Variants in CSMD1 observed in about 807,000 individuals in gnomAD.
The protein encoded by CSMD1 is CUB and Sushi multiple domains 1.
A neutral mutation model predicts 417.5 loss-of-function variants in CSMD1; 213 were observed. The ratio of observed to expected loss-of-function variants is 0.51; its 90% CI spans 0.46 to 0.57. CSMD1 has a LOEUF of 0.57. Among genes scored for constraint, CSMD1 ranks in the 20% least tolerant of loss-of-function variants. The probability of loss-of-function intolerance (pLI) is 0.00; values close to 1 mark genes in which losing one functional copy is unlikely to be tolerated. For missense variants in CSMD1, 6,923 were observed against 4,529.7 expected (o/e 1.53, Z -15.17); for synonymous variants, 2,862 against 1,736.8 (o/e 1.65, Z -16.11).
chr8:4,817,643 A>G (rs1289386792), intron 1 of CSMD1, among the ~76,000 whole-genome samples: 5 of 152,264 alleles, frequency 3.3e-5, no homozygotes, highest in African/African-American at 1.2e-4. Context: ...AATAACATGC[A>G]TAAAATCAAT....
intron 1 of CSMD1, among the ~76,000 whole-genome samples, chr8:4,934,497 T>C (rs2117205966): frequency 6.6e-6 from 1 of 152,270 alleles, no homozygotes; most frequent in South Asian, 2.1e-4. Flanking sequence ...ACGAAGAGCT[T>C]ATCAGAGAGA....
chr8:4,846,240 C>G (rs972161393), intron 1 of CSMD1, among the ~76,000 whole-genome samples: 1 of 152,144 alleles, frequency 6.6e-6, no homozygotes, highest in Non-Finnish European at 1.5e-5. Flanking sequence ...AAAAATATAG[C>G]TCTTACTTTC....
chr8:3,853,778 G>C (rs1246909648), intron 5 of CSMD1, among the ~76,000 whole-genome samples: 8 of 151,384 alleles, frequency 5.3e-5, no homozygotes, highest in Admixed American at 4.6e-4. Flanking sequence ...TAAATGACGA[G>C]TTACTGGGTG....
rs554842934 is a variant in CSMD1, at chr8:3,724,236, T to C, written c.932-15745A>G. On this transcript the variant is annotated intron_variant, in intron 6 of 69. Coordinates refer to ENST00000635120, the MANE Select transcript of CSMD1 (RefSeq NM_033225.6). ...ATTATACTTTAAGTTTTAGGGTACATGTGCACATTGTGCAGGTTAGTTACA... is the reference window on the plus strand; with the variant it reads ...ATTATACTTTAAGTTTTAGGGTACACGTGCACATTGTGCAGGTTAGTTACA... Among the ~76,000 whole-genome samples, 23 of 152,126 alleles carry C rather than the reference T, an allele frequency of 1.5e-4. No individual in the cohort carries two copies. In the East Asian group the frequency reaches 4.1e-3, roughly 27 times the overall value.
At chr8:4,702,828 T>G (rs1212922188) in intron 1 of CSMD1, among the ~76,000 whole-genome samples, 1 of 152,212 alleles carries the variant, frequency 6.6e-6, no homozygotes, top group Non-Finnish European at 1.5e-5. Context: ...ATATCTTCTC[T>G]TTGTCTTAGT....
chr8:4,220,767 G>A (rs146288908), intron 3 of CSMD1, among the ~76,000 whole-genome samples: 15 of 152,330 alleles, frequency 9.8e-5, no homozygotes, highest in African/African-American at 3.6e-4. Flanking sequence ...TGGAGAATAT[G>A]GGGCCACCCA....
intron 3 of CSMD1, among the ~76,000 whole-genome samples, chr8:4,379,862 G>A (rs557901042): frequency 5.9e-5 from 9 of 152,320 alleles, no homozygotes; most frequent in East Asian, 1.9e-4. Context: ...AGACAGTGAT[G>A]TTCACATGCT....
At chr8:3,246,757 A>C (rs1169583008) in intron 26 of CSMD1, among the ~76,000 whole-genome samples, 1 of 152,088 alleles carries the variant, frequency 6.6e-6, no homozygotes, top group Non-Finnish European at 1.5e-5. Context: ...ACAGGTGTGA[A>C]CCACCGGGCC....
intron 1 of CSMD1, among the ~76,000 whole-genome samples, chr8:4,790,737 C>G (rs947822689): frequency 1.3e-5 from 2 of 152,156 alleles, no homozygotes; most frequent in African/African-American, 4.8e-5. Flanking sequence ...CAGGAAAGGA[C>G]TCCCCTATTC....
At chr8:3,204,770 T>C (rs77289125) in intron 31 of CSMD1, among the ~76,000 whole-genome samples, 1 of 152,218 alleles carries the variant, frequency 6.6e-6, no homozygotes, top group Non-Finnish European at 1.5e-5. Context: ...ACCTTGACTA[T>C]GTAGCGTTTT....
Position 3,343,369 on chromosome 8 carries a change from T to C in CSMD1, c.3556A>G (p.Thr1186Ala), listed in dbSNP as rs755265057. 2 of 1,613,820 alleles carry C rather than the reference T, an allele frequency of 1.2e-6. No homozygotes were observed. The highest frequency in any genetic ancestry group is 8.5e-7 in the Non-Finnish European group (1 of 1,179,708). The change falls in exon 23 of 70, where the codon ACA (threonine) becomes GCA (alanine). Residue 1186 changes from threonine to alanine, a missense_variant. Coordinates refer to ENST00000635120, the MANE Select transcript of CSMD1 (RefSeq NM_033225.6). ...NELLGLILNS[T>A]SNHLWLEFNT... ...AACTCTAGCCACAGGTGATTGGATG[T>C]GCTGTTTAGGATCAGCCCCAGAAGT...
At chr8:3,904,293 A>G (rs1807961072) in intron 5 of CSMD1, among the ~76,000 whole-genome samples, 1 of 152,114 alleles carries the variant, frequency 6.6e-6, no homozygotes, top group African/African-American at 2.4e-5. Context: ...TTCCTGGAGG[A>G]CACCCCTTTC....
intron 1 of CSMD1, among the ~76,000 whole-genome samples, chr8:4,809,977 A>T (rs1194994894): frequency 6.6e-6 from 1 of 152,196 alleles, no homozygotes; most frequent in Admixed American, 6.5e-5. Flanking sequence ...CGGGGTAATT[A>T]CAGTATTGTC....
chr8:4,836,131 A>C (rs1289503151), intron 1 of CSMD1, among the ~76,000 whole-genome samples: 1 of 152,172 alleles, frequency 6.6e-6, no homozygotes, highest in African/African-American at 2.4e-5. Flanking sequence ...CCAATTTGAA[A>C]TATAGGTTTT....
At chr8:3,658,464 G>GTATATATATATATATATATATATA (rs113956125) in intron 7 of CSMD1, among the ~76,000 whole-genome samples, 9 of 144,170 alleles carry the variant, frequency 6.2e-5, no homozygotes, top group Non-Finnish European at 1.4e-4. Context: ...TATATATATT[G>GTATATATATATATATATATATATA]TGTATATATA....
At chr8:4,077,598 C>A (rs1228743504) in intron 3 of CSMD1, among the ~76,000 whole-genome samples, 1 of 152,048 alleles carries the variant, frequency 6.6e-6, no homozygotes, top group East Asian at 1.9e-4. Flanking sequence ...CTCCTGCTGT[C>A]ACTTGAACTG....
At chr8:4,338,190 G>A (rs1585261081) in intron 3 of CSMD1, among the ~76,000 whole-genome samples, 2 of 152,116 alleles carry the variant, frequency 1.3e-5, no homozygotes, top group African/African-American at 2.4e-5. Context: ...TAATGCAAGA[G>A]TTAGATTAGA....
At chr8:2,999,935 T>C in intron 53 of CSMD1, 23 bp downstream of exon 53, 2 of 1,579,774 alleles carry the variant, frequency 1.3e-6, no homozygotes, top group Non-Finnish European at 1.7e-6. Context: ...ATCGATGAAT[T>C]CGTCCACAAA....
chr8:3,985,377 T>A (rs113979393), intron 5 of CSMD1, among the ~76,000 whole-genome samples: 82 of 152,296 alleles, frequency 5.4e-4, no homozygotes, highest in African/African-American at 1.9e-3. Context: ...CTTTCTTCCA[T>A]AGAAAGTAAA....
Sources: allele counts gnomAD v4.1 joint callset (sites outside exome capture counted in the v4.1 genomes callset), GRCh38; gene constraint gnomAD v4.1.1; transcripts MANE v1.5; gene names NCBI Gene and HGNC (gene_info 2026-07-23, HGNC 2026-07-21).